The following BMPR1B variants were observed in gnomAD, a reference collection of about 807,000 sequenced individuals.
BMPR1B encodes bone morphogenetic protein receptor type-1B.
BMPR1B carries 12 observed loss-of-function variants against 59.1 expected under a neutral mutation model. The ratio of observed to expected loss-of-function variants is 0.20; its 90% CI spans 0.13 to 0.33. The LOEUF is 0.33. Among genes scored for constraint, BMPR1B ranks in the 10% least tolerant of loss-of-function variants. BMPR1B has a pLI of 1.00. For synonymous variants in BMPR1B, 237 were observed against 207.3 expected (o/e 1.14, Z -1.23); for missense variants, 550 against 610.9 (o/e 0.90, Z 1.05).
rs113686868 is a variant in BMPR1B at position 95,061,383 on chromosome 4, G to A, written c.-17-43025G>A. ...TTTCTGGAGGAAGCTCAGCAATGCA[G>A]CTGTCTCTAATGTACTGTGAACCTT... On this transcript the variant is annotated intron_variant, in intron 3 of 12. Transcript: ENST00000515059. 2.7e-3 allele frequency among the ~76,000 whole-genome samples: 410 copies of A among 152,238 alleles called. 1 individual carries two copies. Among genetic ancestry groups the A allele is most frequent in the African/African-American group, 9.3e-3 (386 of 41,528 alleles).
intron 2 of BMPR1B, among the ~76,000 whole-genome samples, chr4:94,990,674 GTTTTGT>G (rs1179076393): frequency 2.9e-5 from 3 of 104,086 alleles, no homozygotes; most frequent in African/African-American, 9.1e-5. Flanking sequence ...CTGGAATGAG[GTTTTGT>G]TGTTGTTGTT....
At chr4:95,142,288 A>T (rs1043674840) in intron 10 of BMPR1B, among the ~76,000 whole-genome samples, 1 of 152,162 alleles carries the variant, frequency 6.6e-6, no homozygotes, top group Non-Finnish European at 1.5e-5. Context: ...CCCTTCTTCC[A>T]TAGACTCTTG....
intron 1 of BMPR1B, among the ~76,000 whole-genome samples, chr4:94,772,592 A>G (rs990395279): frequency 7.9e-5 from 12 of 152,210 alleles, no homozygotes; most frequent in Admixed American, 2.0e-4. Context: ...TTGATTTTCC[A>G]AAGGAATATA....
intron 3 of BMPR1B, among the ~76,000 whole-genome samples, chr4:95,066,782 A>T (rs770203431): frequency 3.3e-5 from 5 of 152,198 alleles, no homozygotes; most frequent in Non-Finnish European, 5.9e-5. Context: ...TTTTGAGCCC[A>T]GAGATCCATG....
At chr4:95,060,963 A>G (rs935061992) in intron 3 of BMPR1B, among the ~76,000 whole-genome samples, 5 of 152,202 alleles carry the variant, frequency 3.3e-5, no homozygotes, top group South Asian at 2.1e-4. Flanking sequence ...CCCGGGCAAT[A>G]TGGAAACATA....
intron 3 of BMPR1B, among the ~76,000 whole-genome samples, chr4:95,056,202 T>G (rs1003629641): frequency 6.6e-6 from 1 of 152,214 alleles, no homozygotes; most frequent in Admixed American, 6.5e-5. Flanking sequence ...TTATACTTGT[T>G]ATCTGTAAAA....
At chr4:94,818,103 G>T (rs1724075362) in intron 1 of BMPR1B, among the ~76,000 whole-genome samples, 2 of 152,082 alleles carry the variant, frequency 1.3e-5, no homozygotes, top group African/African-American at 4.8e-5. Flanking sequence ...TATTTTTTCA[G>T]TAATAAAAAA....
chr4:94,992,253 A>AG (rs1721801945), intron 2 of BMPR1B, among the ~76,000 whole-genome samples: 2 of 152,214 alleles, frequency 1.3e-5, no homozygotes, highest in Admixed American at 1.3e-4. Flanking sequence ...TCTTTCTGCT[A>AG]CCCCTCAATA....
At chr4:94,981,003 A>ACGCGCGCGTACACGCGCG (rs141994255) in intron 2 of BMPR1B, among the ~76,000 whole-genome samples, 2 of 90,796 alleles carry the variant, frequency 2.2e-5, no homozygotes, top group African/African-American at 7.0e-5. Context: ...ACACACACAC[A>ACGCGCGCGTACACGCGCG]CACACACACA....
intron 1 of BMPR1B, among the ~76,000 whole-genome samples, chr4:94,861,693 T>C (rs1174132150): frequency 6.6e-6 from 1 of 152,168 alleles, no homozygotes; most frequent in African/African-American, 2.4e-5. Context: ...TTTTTTATCA[T>C]AGAACTGAGA....
chr4:94,899,031 AC>A (rs1276624246), intron 2 of BMPR1B, among the ~76,000 whole-genome samples: 4 of 151,962 alleles, frequency 2.6e-5, no homozygotes, highest in Non-Finnish European at 5.9e-5. Context: ...GGGCTGTGCA[AC>A]CCCTGGATGT....
chr4:94,803,837 G>A (rs4456963), intron 1 of BMPR1B, among the ~76,000 whole-genome samples: 118,329 of 152,064 alleles, frequency 0.78, 45,988 homozygotes, highest in African/African-American at 0.81. Context: ...GGGAAAGGTC[G>A]TGTGCTTAAA....
intron 2 of BMPR1B, among the ~76,000 whole-genome samples, chr4:94,902,062 TGTGTGTGTGTGTGTGTGTGTGTGTGG>T (rs796423601): frequency 8.3e-4 from 94 of 112,778 alleles, no homozygotes; most frequent in African/African-American, 2.5e-3. Context: ...TGTGTGTGTG[TGTGTGTGTGTGTGTGTGTGTGTGTGG>T]GGTGTATTTA....
At chr4:95,116,776 G>A (rs561401950) in intron 6 of BMPR1B, among the ~76,000 whole-genome samples, 2 of 151,962 alleles carry the variant, frequency 1.3e-5, no homozygotes, top group African/African-American at 4.8e-5. Context: ...ACCACACCCA[G>A]CTAGAATTTT....
At chr4:95,092,382 A>G (rs2149250137) in intron 3 of BMPR1B, among the ~76,000 whole-genome samples, 1 of 152,174 alleles carries the variant, frequency 6.6e-6, no homozygotes, top group East Asian at 1.9e-4. Flanking sequence ...CAGATTTTAA[A>G]CAGTTTTCTT....
rs62316227 is a variant in BMPR1B at position 94,985,529 on chromosome 4, G to T, written c.-112-10511G>T. ...AAGAGCTGTGTGTGTGTGTGTGTGT[G>T]TGTGTGTGTGTGTGTGTGTGTGTGT... On this transcript the variant is annotated intron_variant, in intron 2 of 12. Transcript: ENST00000515059. Among the ~76,000 whole-genome samples, 29 of 148,294 alleles carry T rather than the reference G, an allele frequency of 2.0e-4. 1 individual carries two copies. The highest frequency in any genetic ancestry group is 1.1e-3 in the South Asian group (5 of 4,624).
At chr4:95,100,586 T>G (rs1232543432) in intron 3 of BMPR1B, among the ~76,000 whole-genome samples, 1 of 152,142 alleles carries the variant, frequency 6.6e-6, no homozygotes, top group Admixed American at 6.6e-5. Context: ...TAGGAACTCA[T>G]GAGTTTTCAT....
In BMPR1B at chr4:94,990,706, T is replaced by TTG. The variant is rs1157020472; in HGVS notation, c.-112-5333_-112-5332insGT. Among the ~76,000 whole-genome samples, 13 of 126,004 alleles carry TTG rather than the reference T, an allele frequency of 1.0e-4. No individual in the cohort carries two copies. In the East Asian group the frequency reaches 1.8e-3, roughly 17 times the overall value. 82.7% of individuals were successfully genotyped at this position (126,004 alleles called of 152,430 possible). On this transcript the variant is annotated intron_variant, in intron 2 of 12. Transcript: ENST00000515059. ...TGTTGTTGTTGTTGTTGTTGTTGTT[T>TTG]TTTATACTTTAAGTTTTAGGGTACA...
At chr4:94,993,568 T>G (rs887259695) in intron 2 of BMPR1B, among the ~76,000 whole-genome samples, 17 of 151,922 alleles carry the variant, frequency 1.1e-4, no homozygotes, top group African/African-American at 3.9e-4. Context: ...GAGACCAGCC[T>G]GGCCAACATG....
Sources: allele counts gnomAD v4.1 joint callset (sites outside exome capture counted in the v4.1 genomes callset), GRCh38; gene constraint gnomAD v4.1.1; transcripts MANE v1.5; gene names NCBI Gene and HGNC (gene_info 2026-07-23, HGNC 2026-07-21).